PKIA: variants seen among roughly 807,000 people sequenced by gnomAD.
The protein encoded by PKIA is cAMP-dependent protein kinase inhibitor alpha.
A neutral mutation model predicts 7.6 loss-of-function variants in PKIA; 4 were observed. That is an observed-to-expected ratio of 0.52 (90% confidence interval 0.26 to 1.20). The LOEUF is 1.20. Among genes scored for constraint, PKIA ranks in the 50% most tolerant of loss-of-function variants. The pLI, the probability that PKIA is intolerant of heterozygous loss-of-function variation, is 0.13. For missense variants in PKIA, 73 were observed against 86.2 expected, an observed-to-expected ratio of 0.85 and a Z score of 0.61; for synonymous variants, 21 against 30.7, an observed-to-expected ratio of 0.68 and a Z score of 1.04.
intron 1 of PKIA, among the ~76,000 whole-genome samples, chr8:78,554,146 A>T (rs1807067182): frequency 6.6e-6 from 1 of 152,074 alleles, no homozygotes; most frequent in South Asian, 2.1e-4. Flanking sequence ...GGCCATTCCC[A>T]TACTGGGTTC....
At chr8:78,571,446 T>G (rs2118556010) in intron 1 of PKIA, among the ~76,000 whole-genome samples, 1 of 152,198 alleles carries the variant, frequency 6.6e-6, no homozygotes, top group Admixed American at 6.6e-5. Flanking sequence ...AAATACCTCT[T>G]TAGGGCACGC....
chr8:78,525,704 C>T (rs191309541), intron 1 of PKIA, among the ~76,000 whole-genome samples: 2 of 152,142 alleles, frequency 1.3e-5, no homozygotes, highest in East Asian at 3.9e-4. Context: ...TCTCAGGCAG[C>T]TTTTAATCAT....
At chr8:78,517,040 G>T in intron 1 of PKIA, among the ~76,000 whole-genome samples, 1 of 152,080 alleles carries the variant, frequency 6.6e-6, no homozygotes, top group Non-Finnish European at 1.5e-5. Context: ...ACTTGACATC[G>T]CTTCTTCCTT....
intron 2 of PKIA, among the ~76,000 whole-genome samples, chr8:78,573,425 G>A (rs1041947215): frequency 9.9e-5 from 15 of 152,058 alleles, no homozygotes; most frequent in Admixed American, 2.0e-4. Context: ...AAGTGAGCAC[G>A]TATAGGGAGT....
At chr8:78,559,694 C>T (rs987761310) in intron 1 of PKIA, among the ~76,000 whole-genome samples, 3 of 152,160 alleles carry the variant, frequency 2.0e-5, no homozygotes, top group African/African-American at 7.2e-5. Context: ...TCACTTTCGC[C>T]AGTGTTTTAC....
At chr8:78,600,477 A>G (rs992366862) in intron 3 of PKIA, among the ~76,000 whole-genome samples, 3 of 152,102 alleles carry the variant, frequency 2.0e-5, no homozygotes, top group Non-Finnish European at 4.4e-5. Context: ...ATGGGAGTCA[A>G]GTTCCTCATC....
chr8:78,574,736 GA>G (rs1807633952), intron 2 of PKIA, among the ~76,000 whole-genome samples: 1 of 151,866 alleles, frequency 6.6e-6, no homozygotes, highest in South Asian at 2.1e-4. Flanking sequence ...TTGCTAGATG[GA>G]GCATTCACTA....
intron 2 of PKIA, among the ~76,000 whole-genome samples, chr8:78,593,362 C>T (rs559865619): frequency 6.6e-6 from 1 of 152,226 alleles, no homozygotes; most frequent in South Asian, 2.1e-4. Flanking sequence ...ACCTCTTGAT[C>T]AGCCTGCCTC....
intron 2 of PKIA, among the ~76,000 whole-genome samples, chr8:78,578,849 A>G (rs939474048): frequency 5.3e-5 from 8 of 152,026 alleles, no homozygotes; most frequent in African/African-American, 1.7e-4. Context: ...GCAGATGACT[A>G]TGACTCCCAT....
chr8:78,565,200 T>TA (rs11419155), intron 1 of PKIA, among the ~76,000 whole-genome samples: 35,937 of 151,682 alleles, frequency 0.24, 4,892 homozygotes, highest in African/African-American at 0.38. Flanking sequence ...AATTTCAAGA[T>TA]TTTTTTTCTT....
chr8:78,563,713 T>C (rs1807337840), intron 1 of PKIA, among the ~76,000 whole-genome samples: 1 of 151,842 alleles, frequency 6.6e-6, no homozygotes, highest in Admixed American at 6.6e-5. Context: ...ATTGAGTAAA[T>C]AGGACATGAG....
chr8:78,520,005 A>G (rs1030684864), intron 1 of PKIA, among the ~76,000 whole-genome samples: 1 of 152,156 alleles, frequency 6.6e-6, no homozygotes, highest in Non-Finnish European at 1.5e-5. Flanking sequence ...TTTCATGTGA[A>G]CATGCTTTGT....
intron 1 of PKIA, among the ~76,000 whole-genome samples, chr8:78,522,936 T>C (rs1809444879): frequency 6.6e-6 from 1 of 151,928 alleles, no homozygotes; most frequent in African/African-American, 2.4e-5. Flanking sequence ...AGCCCAGTGA[T>C]AACAGTGTCT....
intron 1 of PKIA, among the ~76,000 whole-genome samples, chr8:78,564,984 T>C (rs760298771): frequency 2.4e-4 from 36 of 151,886 alleles, no homozygotes; most frequent in Non-Finnish European, 4.0e-4. Flanking sequence ...ATTTTTAGTA[T>C]GGTTCTTTTT....
chr8:78,573,869 A>G (rs1322716182), intron 2 of PKIA, among the ~76,000 whole-genome samples: 1 of 152,004 alleles, frequency 6.6e-6, no homozygotes, highest in Non-Finnish European at 1.5e-5. Flanking sequence ...TCTAAGGACA[A>G]TTATAAGACC....
chr8:78,567,745 A>T (rs1807452851), intron 1 of PKIA, among the ~76,000 whole-genome samples: 1 of 152,188 alleles, frequency 6.6e-6, no homozygotes. Flanking sequence ...CTGGAGACTT[A>T]TCTATCCCCC....
At chr8:78,544,033 T>A (rs1197414534) in intron 1 of PKIA, among the ~76,000 whole-genome samples, 1 of 152,202 alleles carries the variant, frequency 6.6e-6, no homozygotes, top group Non-Finnish European at 1.5e-5. Context: ...GCCAGGAATT[T>A]GATGTTCTCA....
Position 78,598,437 on chromosome 8 carries a change from G to A in PKIA, c.53G>A (p.Gly18Asp). Residue 18 changes from glycine (G) to aspartate (D), a missense_variant, in exon 3 of 4, where the codon GGT becomes GAT. Physicochemically the swap from Gly to Asp is moderately conservative, Grantham distance 94. Transcript: ENST00000396418. ...GATTTTATTGCTTCAGGAAGAACAG[G>A]TAGAAGAAATGCAATACATGATATC... ...YADFIASGRT[G>D]RRNAIHDILV... 6.2e-7 allele frequency: 1 copy of A among 1,611,304 alleles called. No homozygotes were observed. The highest frequency in any genetic ancestry group is 8.5e-7 in the Non-Finnish European group (1 of 1,177,922).
chr8:78,585,125 T>C (rs1807917545), intron 2 of PKIA, among the ~76,000 whole-genome samples: 1 of 152,038 alleles, frequency 6.6e-6, no homozygotes, highest in Admixed American at 6.6e-5. Flanking sequence ...TTTTTTATTT[T>C]GTTAGTATAG....
Sources: allele counts gnomAD v4.1 joint callset (sites outside exome capture counted in the v4.1 genomes callset), GRCh38; gene constraint gnomAD v4.1.1; transcripts MANE v1.5; gene names NCBI Gene and HGNC (gene_info 2026-07-23, HGNC 2026-07-21).